IQCJ: variants seen among roughly 807,000 people sequenced by gnomAD.
IQCJ encodes the protein IQ motif containing J.
A neutral mutation model predicts 11.0 loss-of-function variants in IQCJ; 9 were observed. The ratio of observed to expected loss-of-function variants is 0.82; its 90% confidence interval spans 0.49 to 1.43. IQCJ has a LOEUF of 1.43. IQCJ is among the 40% of genes most tolerant of loss of function. IQCJ has a pLI of 0.00. For synonymous variants in IQCJ, 55 were observed against 51.3 expected (o/e 1.07, Z -0.31); for missense variants, 146 against 133.2 (o/e 1.10, Z -0.47).
At chr3:159,172,000 A>G (rs1722506715) in intron 1 of IQCJ, among the ~76,000 whole-genome samples, 3 of 152,178 alleles carry the variant, frequency 2.0e-5, no homozygotes, top group South Asian at 2.1e-4. Flanking sequence ...CCATGGTGTC[A>G]CTGCAAATTG....
intron 2 of IQCJ, among the ~76,000 whole-genome samples, chr3:159,247,982 C>T (rs905559303): frequency 6.6e-6 from 1 of 152,008 alleles, no homozygotes; most frequent in African/African-American, 2.4e-5. Context: ...CTGGAAGTGC[C>T]CAAGAAGAGT....
At chr3:159,214,959 T>TAG (rs1312325962) in intron 1 of IQCJ, among the ~76,000 whole-genome samples, 2 of 152,184 alleles carry the variant, frequency 1.3e-5, no homozygotes, top group Non-Finnish European at 2.9e-5. Flanking sequence ...TGTTAAAAGG[T>TAG]CATTTCAAAA....
chr3:159,146,116 C>T (rs929765533), intron 1 of IQCJ, among the ~76,000 whole-genome samples: 1 of 152,096 alleles, frequency 6.6e-6, no homozygotes, highest in Non-Finnish European at 1.5e-5. Context: ...ACATTGGCCT[C>T]CTTTACAGAT....
intron 1 of IQCJ, among the ~76,000 whole-genome samples, chr3:159,135,158 C>A (rs557897368): frequency 1.1e-4 from 16 of 152,188 alleles, no homozygotes; most frequent in Non-Finnish European, 2.1e-4. Flanking sequence ...ACCATAGTTT[C>A]TCCTAGATTT....
At chr3:159,139,166 T>A (rs989495347) in intron 1 of IQCJ, among the ~76,000 whole-genome samples, 1 of 152,176 alleles carries the variant, frequency 6.6e-6, no homozygotes, top group African/African-American at 2.4e-5. Flanking sequence ...TTTCTTGGAT[T>A]CTGTGTTGTA....
intron 1 of IQCJ, among the ~76,000 whole-genome samples, chr3:159,135,533 T>C (rs1720238714): frequency 6.6e-6 from 1 of 152,202 alleles, no homozygotes; most frequent in African/African-American, 2.4e-5. Flanking sequence ...AATACAGTGA[T>C]GCTGGGACCC....
intron 1 of IQCJ, among the ~76,000 whole-genome samples, chr3:159,202,800 A>T (rs1724430448): frequency 6.6e-6 from 1 of 152,036 alleles, no homozygotes; most frequent in Admixed American, 6.6e-5. Flanking sequence ...ACCGTGCCCA[A>T]CTTAAGCCAA....
At chr3:159,166,557 C>T (rs1213733406) in intron 1 of IQCJ, among the ~76,000 whole-genome samples, 1 of 152,166 alleles carries the variant, frequency 6.6e-6, no homozygotes, top group Non-Finnish European at 1.5e-5. Context: ...CCTTTACTCC[C>T]CCAAATAAAT....
chr3:159,161,090 C>A (rs866677929), intron 1 of IQCJ, among the ~76,000 whole-genome samples: 5 of 152,154 alleles, frequency 3.3e-5, no homozygotes, highest in Admixed American at 6.5e-5. Context: ...AGTTCTAGAT[C>A]CCTGAGGAAT....
At chr3:159,108,539 G>T (rs1718414483) in intron 1 of IQCJ, among the ~76,000 whole-genome samples, 1 of 152,166 alleles carries the variant, frequency 6.6e-6, no homozygotes, top group Non-Finnish European at 1.5e-5. Flanking sequence ...TGGTTTGTTT[G>T]TAAAAATACC....
At position 159,094,692 on chromosome 3, in the gene IQCJ, A is replaced by C. The variant is rs573194345; in HGVS notation, c.9+25251A>C. Among the ~76,000 whole-genome samples, 75 of 151,874 alleles carry C rather than the reference A, an allele frequency of 4.9e-4. 3 individuals carry two copies. Among genetic ancestry groups the C allele is most frequent in the African/African-American group, 1.7e-3 (69 of 41,184 alleles). On this transcript the variant is annotated intron_variant, in intron 1 of 3. Coordinates refer to ENST00000397832, the MANE Select transcript of IQCJ (RefSeq NM_001042706.3). ...ATCCCTTAGAATCCTTAGAACAGAA[A>C]AATGAGATTAGAATTGGTAAAAGAT...
In IQCJ at chr3:159,179,043, A is replaced by G. The variant is rs369938725; in HGVS notation, c.10-66800A>G. ...AACCTACATGTTATCTGTCCTCCAC[A>G]CTGGAGGACAGGCAACAGACACCAC... is the stretch of plus-strand genomic sequence containing the variant. On this transcript the variant is annotated intron_variant, in intron 1 of 3. Coordinates refer to ENST00000397832, the MANE Select transcript of IQCJ (RefSeq NM_001042706.3). 1.8e-4 allele frequency among the ~76,000 whole-genome samples: 28 copies of G among 152,272 alleles called. No individual in the cohort carries two copies. In the East Asian group the frequency reaches 3.3e-3, roughly 18 times the overall value.
chr3:159,167,163 T>C (rs548188768), intron 1 of IQCJ, among the ~76,000 whole-genome samples: 2 of 152,352 alleles, frequency 1.3e-5, no homozygotes, highest in South Asian at 4.1e-4. Flanking sequence ...AGGTATTTCT[T>C]GCCATTTGAA....
intron 1 of IQCJ, among the ~76,000 whole-genome samples, chr3:159,139,094 T>A (rs1720456000): frequency 6.6e-6 from 1 of 152,184 alleles, no homozygotes; most frequent in Non-Finnish European, 1.5e-5. Context: ...CATATTCATA[T>A]CTTTATAAAA....
At chr3:159,164,328 T>C (rs1722044705) in intron 1 of IQCJ, among the ~76,000 whole-genome samples, 1 of 152,208 alleles carries the variant, frequency 6.6e-6, no homozygotes, top group African/African-American at 2.4e-5. Context: ...AATCAGATGT[T>C]CACAAAGTAG....
chr3:159,153,165 T>G (rs1721324585), intron 1 of IQCJ, among the ~76,000 whole-genome samples: 1 of 152,200 alleles, frequency 6.6e-6, no homozygotes, highest in Non-Finnish European at 1.5e-5. Flanking sequence ...ACTGACGGAA[T>G]TATAAAAATT....
At position 159,245,445 on chromosome 3, in the gene IQCJ, A is replaced by G. The variant is rs376214792; in HGVS notation, c.10-398A>G. ...GTGTGTTTAAACACTTAACCATCACAAAGTCCTGAATTCTTTTTTTTTTTT... is the reference window on the plus strand; with the variant it reads ...GTGTGTTTAAACACTTAACCATCACGAAGTCCTGAATTCTTTTTTTTTTTT... On this transcript the variant is annotated intron_variant, in intron 1 of 3. Coordinates refer to ENST00000397832, the MANE Select transcript of IQCJ (RefSeq NM_001042706.3). Among the ~76,000 whole-genome samples the G allele has an allele frequency of 5.6e-4, 85 of 151,658 alleles. 1 individual carries two copies. The South Asian group carries it at 0.01, about 18-fold the overall frequency.
At chr3:159,083,210 T>C (rs1716451783) in intron 1 of IQCJ, among the ~76,000 whole-genome samples, 1 of 152,130 alleles carries the variant, frequency 6.6e-6, no homozygotes, top group South Asian at 2.1e-4. Flanking sequence ...GCAAATGGCA[T>C]ATCTAACAAA....
intron 1 of IQCJ, among the ~76,000 whole-genome samples, chr3:159,212,486 T>C (rs1480249509): frequency 6.6e-6 from 1 of 152,232 alleles, no homozygotes; most frequent in East Asian, 1.9e-4. Flanking sequence ...TGCTTAAGAC[T>C]AGGCTAAGAA....
Sources: allele counts gnomAD v4.1 joint callset (sites outside exome capture counted in the v4.1 genomes callset), GRCh38; gene constraint gnomAD v4.1.1; transcripts MANE v1.5; gene names NCBI Gene and HGNC (gene_info 2026-07-23, HGNC 2026-07-21).